Variants in SLC51A observed in about 807,000 individuals in gnomAD.
The protein encoded by SLC51A is organic solute transporter subunit alpha.
In SLC51A, 22 loss-of-function variants were observed where a neutral mutation model predicts 34.8. That is an observed-to-expected ratio of 0.63 (90% CI 0.45 to 0.90). The LOEUF (loss-of-function observed/expected upper bound fraction) is 0.90. Ranked by LOEUF, SLC51A falls within the 40% of genes least tolerant of loss-of-function variation. The pLI is 0.00. For synonymous variants in SLC51A, 181 were observed against 176.3 expected (o/e 1.03, Z -0.21); for missense variants, 371 against 414.8 (o/e 0.89, Z 0.92).
At chr3:196,222,185 T>C (rs528673922) in intron 2 of SLC51A, among the ~76,000 whole-genome samples, 2 of 152,246 alleles carry the variant, frequency 1.3e-5, no homozygotes, top group Admixed American at 6.5e-5. Context: ...TTTTCATTAT[T>C]TTAAAAAGTA....
intron 2 of SLC51A, chr3:196,225,692 AAC>A (rs1723875976): frequency 1.3e-5 from 2 of 152,226 alleles, no homozygotes; most frequent in South Asian, 2.1e-4. Context: ...TTTGTTCGGA[AAC>A]ACATATTGTG....
At chr3:196,231,214 C>T (rs1455104074) in intron 7 of SLC51A, among the ~76,000 whole-genome samples, 1 of 152,196 alleles carries the variant, frequency 6.6e-6, no homozygotes, top group African/African-American at 2.4e-5. Flanking sequence ...AGGAACGGGG[C>T]TAGAATTTAT....
chr3:196,227,174 G>A, intron 3 of SLC51A, 55 bp downstream of exon 3: 2 of 1,578,526 alleles, frequency 1.3e-6, no homozygotes, highest in Non-Finnish European at 1.7e-6. Flanking sequence ...CAGAGACCAA[G>A]GTGAGAATTC....
chr3:196,217,492 A>G, intron 1 of SLC51A, among the ~76,000 whole-genome samples: 1 of 151,954 alleles, frequency 6.6e-6, no homozygotes. Context: ...TGTATGAGCC[A>G]AGACAGACCA....
At chr3:196,221,785 A>G (rs956290215) in intron 2 of SLC51A, among the ~76,000 whole-genome samples, 2 of 150,756 alleles carry the variant, frequency 1.3e-5, no homozygotes, top group African/African-American at 4.9e-5. Context: ...GTGTGATCTC[A>G]GCTCACTACA....
In SLC51A at chr3:196,228,533, C is replaced by A; in HGVS notation, c.521+260C>A. ...AGAGAAAACTGGACTTGGGGCCATT[C>A]GCTTGCCCCTTCTGCCCACTTTGGT... On this transcript the variant is annotated intron_variant, in intron 5 of 8. Coordinates refer to ENST00000296327, the MANE Select transcript of SLC51A (RefSeq NM_152672.6). This position sits in a 1 kb window ranked among gnomAD's most constrained non-coding sequence, Gnocchi z 4.9. 1.6e-6 allele frequency: 1 copy of A among 609,296 alleles called. No homozygotes were observed. The highest frequency in any genetic ancestry group is 2.1e-5 in the South Asian group (1 of 48,024). The allele number at this position is 609,296 out of a possible 1,614,324, so 37.7% of individuals were successfully genotyped here.
intron 2 of SLC51A, among the ~76,000 whole-genome samples, chr3:196,225,982 G>A (rs1723881529): frequency 6.6e-6 from 1 of 152,144 alleles, no homozygotes; most frequent in Non-Finnish European, 1.5e-5. Context: ...CGTGCGTCAG[G>A]TGTCCTTGGG....
chr3:196,230,038 G>C lies in SLC51A; in HGVS notation c.757G>C (p.Gly253Arg), dbSNP rs202017943. The change falls in exon 7 of 9, where the codon GGA becomes CGA. Residue 253 changes from glycine (G) to arginine (R), a missense_variant. Physicochemically the swap from Gly to Arg is moderately radical, Grantham distance 125. Transcript: ENST00000296327. ...ARLHLGEQNM[G>R]AKFALFQVLL... ...GCTACACCTGGGTGAGCAGAACATG[G>C]GAGCCAAATTTGCTCTGTTCCAGGT... The C allele has an allele frequency of 1.0e-4, 164 of 1,613,084 alleles. 3 individuals are homozygous for C. In the South Asian group the frequency reaches 1.7e-3, roughly 16 times the overall value.
intron 7 of SLC51A, among the ~76,000 whole-genome samples, chr3:196,231,466 C>T (rs1275145749): frequency 1.3e-5 from 2 of 152,202 alleles, no homozygotes; most frequent in African/African-American, 4.8e-5. Context: ...GACTGCCCTA[C>T]AGTTTAACAG....
At position 196,228,705 on chromosome 3, in the gene SLC51A, T is replaced by C. The variant is rs1212988884; in HGVS notation, c.522-104T>C. 3 of 925,126 alleles carry C rather than the reference T, an allele frequency of 3.2e-6. No homozygotes were observed. The highest frequency in any genetic ancestry group is 5.3e-6 in the Non-Finnish European group (3 of 564,280). The allele number at this position is 925,126 out of a possible 1,614,324, so 57.3% of individuals were successfully genotyped here. ...ATCCACTTAACCTGGTTGGTGTTTATGACAGCAGCCGAGCCTCAGCCCAGG... is the reference window on the plus strand; with the variant it reads ...ATCCACTTAACCTGGTTGGTGTTTACGACAGCAGCCGAGCCTCAGCCCAGG... On this transcript the variant is annotated intron_variant, in intron 5 of 8. Coordinates refer to ENST00000296327, the MANE Select transcript of SLC51A (RefSeq NM_152672.6). The surrounding 1 kb of genome is among the most constrained non-coding windows in gnomAD (Gnocchi z 4.9).
Position 196,228,923 on chromosome 3 carries a change from AAGCCGGG to A in SLC51A, c.633+6_633+12del. ...ACGGCATCTATGACCCAGCAGACGT[AAGCCGGG>A]AGTAAGGGACAGCACAGTCCAAGAC... On this transcript the variant is annotated splice_donor_5th_base_variant and intron_variant, in intron 6 of 8. Coordinates refer to ENST00000296327, the MANE Select transcript of SLC51A (RefSeq NM_152672.6). The surrounding 1 kb of genome is among the most constrained non-coding windows in gnomAD (Gnocchi z 4.9). The A allele has an allele frequency of 6.2e-7, 1 of 1,608,318 alleles. No homozygotes were observed. Among genetic ancestry groups the A allele is most frequent in the Non-Finnish European group, 8.5e-7 (1 of 1,174,610 alleles).
intron 2 of SLC51A, among the ~76,000 whole-genome samples, chr3:196,220,511 C>T (rs1331300459): frequency 4.6e-5 from 7 of 152,046 alleles, no homozygotes; most frequent in Non-Finnish European, 7.4e-5. Context: ...GCAGGAGAAT[C>T]GCTTGAACCC....
intron 2 of SLC51A, among the ~76,000 whole-genome samples, chr3:196,220,896 T>C (rs1468933413): frequency 6.7e-6 from 1 of 149,904 alleles, no homozygotes; most frequent in Non-Finnish European, 1.5e-5. Context: ...TTTTCTTTTT[T>C]TTTTTTTTTT....
intron 7 of SLC51A, among the ~76,000 whole-genome samples, chr3:196,231,721 G>C (rs1230434541): frequency 6.6e-6 from 1 of 152,300 alleles, no homozygotes; most frequent in East Asian, 1.9e-4. Context: ...GGTGAGCCAC[G>C]CCAGCCTTGA....
At position 196,229,624 on chromosome 3, in the gene SLC51A, G is replaced by A. The variant is rs377053770; in HGVS notation, c.634-291G>A. Among the ~76,000 whole-genome samples the A allele has an allele frequency of 8.7e-4, 129 of 147,464 alleles. 3 individuals carry two copies. The East Asian group carries it at 0.019, about 22-fold the overall frequency. On this transcript the variant is annotated intron_variant, in intron 6 of 8. Coordinates refer to ENST00000296327, the MANE Select transcript of SLC51A (RefSeq NM_152672.6). Reference sequence around the variant, plus strand: ...ACACCTGACCTCAGGTGATCCGCCCGCCTCTGCCTCCCAAAGTGCTGGGAT... The same window carrying A: ...ACACCTGACCTCAGGTGATCCGCCCACCTCTGCCTCCCAAAGTGCTGGGAT...
intron 2 of SLC51A, among the ~76,000 whole-genome samples, chr3:196,223,001 G>C (rs1290145872): frequency 6.6e-6 from 1 of 151,792 alleles, no homozygotes; most frequent in African/African-American, 2.4e-5. Flanking sequence ...GTCAGAATCT[G>C]CCCCACCCTC....
intron 2 of SLC51A, among the ~76,000 whole-genome samples, chr3:196,218,562 G>A (rs1723656499): frequency 6.6e-6 from 1 of 152,192 alleles, no homozygotes; most frequent in Admixed American, 6.5e-5. Context: ...TAATTTGTTT[G>A]CAATAATAAG....
chr3:196,216,551 C>A lies in SLC51A; in HGVS notation c.-162C>A. On this transcript the variant is annotated 5_prime_UTR_variant, in exon 1 of 9. Transcript: ENST00000296327. This position sits in a 1 kb window ranked among gnomAD's most constrained non-coding sequence, Gnocchi z 4.5. ...TGAACTCTGAGATAGAAAGTTGGCC[C>A]GGGAAGCTCAAGGAGGGAGAGCGGC... The A allele has an allele frequency of 1.3e-6, 1 of 760,212 alleles. No individual in the cohort carries two copies. Among genetic ancestry groups the A allele is most frequent in the Non-Finnish European group, 2.3e-6 (1 of 441,634 alleles). The allele number at this position is 760,212 out of a possible 1,614,324, so 47.1% of individuals were successfully genotyped here.
chr3:196,228,063 G>A lies in SLC51A; in HGVS notation c.363-52G>A. 2 of 1,581,190 alleles carry A rather than the reference G, an allele frequency of 1.3e-6. No individual in the cohort carries two copies. The highest frequency in any genetic ancestry group is 8.6e-7 in the Non-Finnish European group (1 of 1,161,198). Reference sequence around the variant, plus strand: ...TCAGTAAGCCCCACCTCTCCCTGCTGTCTTTCTCTCTGGCAGCAGACCTCG... The same window carrying A: ...TCAGTAAGCCCCACCTCTCCCTGCTATCTTTCTCTCTGGCAGCAGACCTCG... On this transcript the variant is annotated intron_variant, in intron 4 of 8. Coordinates refer to ENST00000296327, the MANE Select transcript of SLC51A (RefSeq NM_152672.6). This position sits in a 1 kb window ranked among gnomAD's most constrained non-coding sequence, Gnocchi z 4.9.
Sources: gnomAD v4.1 joint callset for allele counts (sites outside exome capture counted in the v4.1 genomes callset) on GRCh38, gnomAD v4.1.1 for gene constraint, Gnocchi (gnomAD v3.1) non-coding constraint, MANE v1.5 for transcripts, NCBI Gene and HGNC (gene_info 2026-07-23, HGNC 2026-07-21) for gene names.